HORMAD1: variants seen among roughly 807,000 people sequenced by gnomAD.
The protein encoded by HORMAD1 is HORMA domain-containing protein 1.
In HORMAD1, 33 loss-of-function variants were observed where a neutral mutation model predicts 58.2. The ratio of observed to expected loss-of-function variants is 0.57; its 90% CI spans 0.43 to 0.76. The LOEUF is 0.76. Ranked by LOEUF, HORMAD1 falls within the 30% of genes least tolerant of loss-of-function variation. HORMAD1 has a pLI of 0.00. For missense variants in HORMAD1, 363 were observed against 462.0 expected, an observed-to-expected ratio of 0.79 and a Z score of 1.96; for synonymous variants, 137 against 144.6, an observed-to-expected ratio of 0.95 and a Z score of 0.38.
intron 7 of HORMAD1, among the ~76,000 whole-genome samples, chr1:150,709,567 C>G (rs1651797826): frequency 6.6e-6 from 1 of 152,154 alleles, no homozygotes; most frequent in Admixed American, 6.5e-5. Context: ...GGTTTCTCCC[C>G]ATGTGATAGT....
At chr1:150,714,396 A>G (rs1652006091) in intron 4 of HORMAD1, among the ~76,000 whole-genome samples, 1 of 152,166 alleles carries the variant, frequency 6.6e-6, no homozygotes, top group Non-Finnish European at 1.5e-5. Flanking sequence ...CATGGGGCAC[A>G]AAATAAAGAA....
chr1:150,718,630 A>T (rs1652161348), intron 2 of HORMAD1, among the ~76,000 whole-genome samples: 1 of 151,450 alleles, frequency 6.6e-6, no homozygotes, highest in African/African-American at 2.4e-5. Context: ...ACAAACATTC[A>T]TTTTCTTTCT....
chr1:150,703,390 C>A lies in HORMAD1; in HGVS notation c.952G>T (p.Glu318Ter). ...PDLSISHSQV[E>*]QLVNKTSELD... ...TCAGATGTTTTATTGACTAACTGCT[C>A]AACCTAAAAAAGAAAATAATTACAA... is the stretch of plus-strand genomic sequence containing the variant. Residue 318 changes from glutamate (E) to a stop codon, truncating the protein, a stop_gained, in exon 13 of 15, where the codon GAG becomes TAG. Transcript: ENST00000361824. LOFTEE classifies it high-confidence loss of function. 6.5e-7 allele frequency: 1 copy of A among 1,535,858 alleles called. No individual in the cohort carries two copies. Among genetic ancestry groups the A allele is most frequent in the South Asian group, 1.2e-5 (1 of 84,846 alleles).
intron 10 of HORMAD1, 53 bp downstream of exon 10, chr1:150,706,500 T>C (rs1356103687): frequency 7.1e-6 from 10 of 1,417,468 alleles, no homozygotes; most frequent in South Asian, 1.3e-5. Context: ...ATCTTCAGAA[T>C]TGAGTCAAAC....
intron 3 of HORMAD1, among the ~76,000 whole-genome samples, chr1:150,716,544 C>G (rs1475519077): frequency 6.6e-6 from 1 of 151,856 alleles, no homozygotes; most frequent in African/African-American, 2.4e-5. Context: ...TGGTGATTGC[C>G]TAGGACTGGG....
intron 14 of HORMAD1, among the ~76,000 whole-genome samples, chr1:150,699,715 G>A (rs1206161238): frequency 6.7e-6 from 1 of 149,898 alleles, no homozygotes; most frequent in African/African-American, 2.5e-5. Flanking sequence ...TGTATTTTTG[G>A]TAGAGACAGG....
Position 150,714,074 on chromosome 1 carries a change from G to C in HORMAD1, c.279+11C>G. 6.8e-7 allele frequency: 1 copy of C among 1,470,774 alleles called. No homozygotes were observed. Among genetic ancestry groups the C allele is most frequent in the Non-Finnish European group, 9.4e-7 (1 of 1,064,006 alleles). 91.1% of individuals were successfully genotyped at this position (1,470,774 alleles called of 1,614,324 possible). A position where few individuals can be genotyped will look rare whatever the true frequency, so the allele number is the denominator to read the frequency against. ...GTAGAAAAAAAAGGATAAAGAGATTGCAAGACTTACATATTTTTTCTGTAA... is the reference window on the plus strand; with the variant it reads ...GTAGAAAAAAAAGGATAAAGAGATTCCAAGACTTACATATTTTTTCTGTAA... On this transcript the variant is annotated intron_variant, in intron 5 of 14. Transcript: ENST00000361824.
In HORMAD1 at chr1:150,719,502, C is replaced by T; in HGVS notation, c.4G>A (p.Ala2Thr). ...GGAGTCCTCTGCAACTGGGCAGTGG[C>T]CATCTTCTTCTGATAAAGTATTTTC... M[A>T]TAQLQRTPMS... is the part of the protein sequence containing the mutation. Residue 2 changes from alanine (A) to threonine (T), a missense_variant, in exon 2 of 15, where the codon GCC (alanine) becomes ACC (threonine). Coordinates refer to ENST00000361824, the MANE Select transcript of HORMAD1 (RefSeq NM_032132.5). The T allele has an allele frequency of 6.3e-7, 1 of 1,583,916 alleles. No homozygotes were observed. Among genetic ancestry groups the T allele is most frequent in the Non-Finnish European group, 8.6e-7 (1 of 1,164,116 alleles).
intron 9 of HORMAD1, among the ~76,000 whole-genome samples, chr1:150,707,797 A>G (rs753230590): frequency 4.6e-5 from 7 of 152,160 alleles, no homozygotes; most frequent in Non-Finnish European, 8.8e-5. Flanking sequence ...TTAGCCAGGC[A>G]TGGTGGCGAG....
intron 5 of HORMAD1, 183 bp downstream of exon 5, chr1:150,713,902 C>T: frequency 1.7e-6 from 1 of 581,084 alleles, no homozygotes; most frequent in Non-Finnish European, 3.1e-6. Context: ...AGTGTTAATT[C>T]CATTATCTTT....
chr1:150,700,251 T>C, intron 13 of HORMAD1, 68 bp from the exon 14 acceptor site: 1 of 853,072 alleles, frequency 1.2e-6, no homozygotes, highest in Non-Finnish European at 2.0e-6. Context: ...GATTTTTCAA[T>C]CTTATGCAAC....
intron 9 of HORMAD1, among the ~76,000 whole-genome samples, chr1:150,707,346 T>C (rs1651725512): frequency 6.6e-6 from 1 of 152,230 alleles, no homozygotes; most frequent in Non-Finnish European, 1.5e-5. Context: ...GATAACGTAA[T>C]TTATCAGCAC....
Position 150,711,580 on chromosome 1 carries a change from AAACAATTT to A in HORMAD1, c.301-17_301-10del. The A allele has an allele frequency of 6.3e-7, 1 of 1,595,806 alleles. No homozygotes were observed. The highest frequency in any genetic ancestry group is 1.1e-5 in the South Asian group (1 of 90,466). ...TCTGGGTTTGTGTATACCTATTTAA[AAACAATTT>A]ACAATTGAGTTATCTAAGGCTAAGT... On this transcript the variant is annotated splice_polypyrimidine_tract_variant and intron_variant, in intron 6 of 14. Transcript: ENST00000361824.
intron 10 of HORMAD1, 75 bp from the exon 11 acceptor site, chr1:150,704,418 G>C (rs1651626904): frequency 2.1e-6 from 2 of 941,482 alleles, no homozygotes; most frequent in Non-Finnish European, 3.2e-6. Flanking sequence ...AAGCATTTAT[G>C]AACAAATTTG....
intron 4 of HORMAD1, 144 bp downstream of exon 4, chr1:150,714,471 A>G: frequency 6.7e-6 from 3 of 450,212 alleles, no homozygotes; most frequent in Non-Finnish European, 1.2e-5. Context: ...ACTTCGGTGG[A>G]AAATTTAATG....
At chr1:150,714,446 T>C (rs587672071) in intron 4 of HORMAD1, among the ~76,000 whole-genome samples, 169 bp downstream of exon 4, 1 of 152,246 alleles carries the variant, frequency 6.6e-6, no homozygotes, top group South Asian at 2.1e-4. Context: ...ATACCCAGAC[T>C]TCAAGGAGAG....
intron 7 of HORMAD1, among the ~76,000 whole-genome samples, chr1:150,710,677 G>C (rs1271530202): frequency 6.6e-6 from 1 of 152,158 alleles, no homozygotes; most frequent in Non-Finnish European, 1.5e-5. Context: ...TCGCAGGTGT[G>C]AGTATCAAAG....
Position 150,706,589 on chromosome 1 carries a change from G to T in HORMAD1, c.768C>A (p.Asp256Glu). The T allele has an allele frequency of 6.2e-7, 1 of 1,609,968 alleles. No homozygotes were observed. The highest frequency in any genetic ancestry group is 8.5e-7 in the Non-Finnish European group (1 of 1,177,094). The change falls in exon 10 of 15, where the codon GAC becomes GAA. Residue 256 changes from aspartate (D) to glutamate (E), a missense_variant. Around this residue, in one of 3 missense-constraint regions of HORMAD1, gnomAD observed 226 missense variants for 257.8 expected, o/e 0.88. Transcript: ENST00000361824. ...GCTCCTGTTCATCTTCTACATCTTTGTCCCTCAGGATTTTTTGAAATGGTG... is the reference window on the plus strand; with the variant it reads ...GCTCCTGTTCATCTTCTACATCTTTTTCCCTCAGGATTTTTTGAAATGGTG... ...IKTPFQKILRDKDVEDEQEHY... is the reference protein window; with the variant it reads ...IKTPFQKILREKDVEDEQEHY...
intron 2 of HORMAD1, among the ~76,000 whole-genome samples, chr1:150,717,723 G>C (rs1308313631): frequency 6.6e-6 from 1 of 152,112 alleles, no homozygotes; most frequent in Non-Finnish European, 1.5e-5. Flanking sequence ...ACAAGGTCAG[G>C]AGTTCAAGAC....
Sources: allele counts gnomAD v4.1 joint callset (sites outside exome capture counted in the v4.1 genomes callset), GRCh38; gene constraint gnomAD v4.1.1; regional missense constraint gnomAD v4.1.1; transcripts MANE v1.5; gene names NCBI Gene and HGNC (gene_info 2026-07-23, HGNC 2026-07-21).